The following FSIP1 variants were observed in gnomAD, a reference collection of about 807,000 sequenced individuals.
The protein encoded by FSIP1 is fibrous sheath-interacting protein 1.
In FSIP1, 65 loss-of-function variants were observed where a neutral mutation model predicts 60.9. The ratio of observed to expected loss-of-function variants is 1.07; its 90% confidence interval spans 0.87 to 1.31. FSIP1 has a LOEUF of 1.31. FSIP1 is among the 40% of genes most tolerant of loss of function. The pLI is 0.00. For missense variants in FSIP1, 675 were observed against 665.5 expected (o/e 1.01, Z -0.16); for synonymous variants, 209 against 221.2 (o/e 0.94, Z 0.49).
chr15:39,724,777 G>A (rs1317578524), intron 9 of FSIP1, among the ~76,000 whole-genome samples: 3 of 152,170 alleles, frequency 2.0e-5, no homozygotes, highest in African/African-American at 7.2e-5. Context: ...GTTCAGCTCT[G>A]AGATTTCAGC....
At chr15:39,774,860 G>C (rs557300111) in intron 2 of FSIP1, among the ~76,000 whole-genome samples, 3 of 152,312 alleles carry the variant, frequency 2.0e-5, no homozygotes, top group African/African-American at 7.2e-5. Context: ...GGCGGAAGCA[G>C]CAGCAGCAAC....
At chr15:39,767,991 C>T (rs1194879072) in intron 3 of FSIP1, among the ~76,000 whole-genome samples, 3 of 152,226 alleles carry the variant, frequency 2.0e-5, no homozygotes, top group Non-Finnish European at 4.4e-5. Flanking sequence ...AAGCCGCCAG[C>T]AGACGGCAAA....
chr15:39,673,138 A>G (rs979356550), intron 10 of FSIP1, among the ~76,000 whole-genome samples: 11 of 152,216 alleles, frequency 7.2e-5, no homozygotes. Flanking sequence ...AACTGCCCAA[A>G]AGGTTTCTGA....
intron 10 of FSIP1, among the ~76,000 whole-genome samples, chr15:39,682,344 T>C (rs549154595): frequency 6.6e-6 from 1 of 152,196 alleles, no homozygotes; most frequent in Admixed American, 6.5e-5. Flanking sequence ...AAAACCTACA[T>C]ATTTTACTTT....
At chr15:39,711,992 C>T (rs1895536141) in intron 10 of FSIP1, among the ~76,000 whole-genome samples, 1 of 152,036 alleles carries the variant, frequency 6.6e-6, no homozygotes. Flanking sequence ...CAGCCCATTC[C>T]TACTTCTTCT....
chr15:39,713,565 C>T lies in FSIP1; in HGVS notation c.1067G>A (p.Gly356Asp), dbSNP rs563000755. 1 of 1,590,322 alleles carries T rather than the reference C, an allele frequency of 6.3e-7. No individual in the cohort carries two copies. Among genetic ancestry groups the T allele is most frequent in the South Asian group, 1.2e-5 (1 of 85,830 alleles). ...NRNNQKPDRDGERNMEVTPGE... is the reference protein window; with the variant it reads ...NRNNQKPDRDDERNMEVTPGE... ...TGGAGTTACTTCCATATTTCTTTCA[C>T]CATCACGGTCAGGTTTCTAATTTAA... The change falls in exon 10 of 12, where the codon GGT (glycine) becomes GAT (aspartate). Residue 356 changes from glycine (G) to aspartate (D), a missense_variant. By Grantham distance (94) the Gly-to-Asp change is moderately conservative. Coordinates refer to ENST00000350221, the MANE Select transcript of FSIP1 (RefSeq NM_152597.5).
intron 10 of FSIP1, among the ~76,000 whole-genome samples, chr15:39,631,300 C>A (rs767575156): frequency 6.6e-6 from 1 of 152,166 alleles, no homozygotes; most frequent in Non-Finnish European, 1.5e-5. Context: ...TGTCTTGTTC[C>A]TTCCAGAGCG....
intron 11 of FSIP1, among the ~76,000 whole-genome samples, chr15:39,606,561 C>T (rs1050860816): frequency 3.9e-5 from 6 of 152,156 alleles, no homozygotes; most frequent in Non-Finnish European, 8.8e-5. Flanking sequence ...CTTATTCCTC[C>T]TATAAAGCTA....
At position 39,600,697 on chromosome 15, in the gene FSIP1, G is replaced by C; in HGVS notation, c.*183C>G. Reference sequence around the variant, plus strand: ...GAAATTTTAATGAGCAAAAACCACTGAACAATTACACCCCAAGTCTCAAAA... The same window carrying C: ...GAAATTTTAATGAGCAAAAACCACTCAACAATTACACCCCAAGTCTCAAAA... On this transcript the variant is annotated 3_prime_UTR_variant, in exon 12 of 12. Coordinates refer to ENST00000350221, the MANE Select transcript of FSIP1 (RefSeq NM_152597.5). 1 of 511,354 alleles carries C rather than the reference G, an allele frequency of 2.0e-6. No homozygotes were observed. The highest frequency in any genetic ancestry group is 2.0e-5 in the African/African-American group (1 of 49,914). 31.7% of individuals were successfully genotyped at this position (511,354 alleles called of 1,614,324 possible). A position where few individuals can be genotyped will look rare whatever the true frequency, so the allele number is the denominator to read the frequency against.
chr15:39,615,566 A>C (rs7177324), intron 11 of FSIP1, among the ~76,000 whole-genome samples: 1 of 151,750 alleles, frequency 6.6e-6, no homozygotes, highest in South Asian at 2.1e-4. Flanking sequence ...GAGATGCTAC[A>C]TCACACCTGT....
chr15:39,719,561 G>A (rs1193237231), intron 9 of FSIP1, among the ~76,000 whole-genome samples: 2 of 152,192 alleles, frequency 1.3e-5, no homozygotes, highest in Non-Finnish European at 2.9e-5. Flanking sequence ...CCGCAGCTTC[G>A]TAAGTTATCT....
intron 8 of FSIP1, 152 bp from the exon 9 acceptor site, chr15:39,726,899 G>T: frequency 5.0e-6 from 3 of 595,512 alleles, no homozygotes; most frequent in East Asian, 2.9e-5. Context: ...ATTAACATTG[G>T]GTTAGTAAAA....
At position 39,778,201 on chromosome 15, in the gene FSIP1, G is replaced by A. The variant is rs531622395; in HGVS notation, c.-7-1670C>T. ...ACCAAAAAGCATAAGTCACCAAAAG[G>A]CCAAATGTCTTGTAAACGCCCTAAG... is the stretch of plus-strand genomic sequence containing the variant. On this transcript the variant is annotated intron_variant, in intron 1 of 11. Coordinates refer to ENST00000350221, the MANE Select transcript of FSIP1 (RefSeq NM_152597.5). Among the ~76,000 whole-genome samples, 11 of 152,272 alleles carry A rather than the reference G, an allele frequency of 7.2e-5. No individual in the cohort carries two copies. In the South Asian group the frequency reaches 1.2e-3, roughly 17 times the overall value.
chr15:39,770,498 A>G lies in FSIP1; in HGVS notation c.239T>C (p.Ile80Thr). Residue 80 changes from isoleucine (I) to threonine (T), a missense_variant, in exon 3 of 12, where the codon ATA becomes ACA. By Grantham distance (89) the Ile-to-Thr change is moderately conservative. Transcript: ENST00000350221. ...ATCTGATCCCTCTTCAGCCAATTTT[A>G]TTTTCTCAGAGCAGCTTTCCTGCTT... ...DDKQESCSEK[I>T]KLAEEGSDED... 6.2e-7 allele frequency: 1 copy of G among 1,611,324 alleles called. No homozygotes were observed. Among genetic ancestry groups the G allele is most frequent in the Non-Finnish European group, 8.5e-7 (1 of 1,179,518 alleles).
At chr15:39,674,755 A>T (rs1266250777) in intron 10 of FSIP1, among the ~76,000 whole-genome samples, 1 of 151,170 alleles carries the variant, frequency 6.6e-6, no homozygotes, top group Admixed American at 6.6e-5. Context: ...AATATGTTTT[A>T]AGGACTTCTT....
intron 3 of FSIP1, among the ~76,000 whole-genome samples, chr15:39,767,879 C>T (rs1897746999): frequency 6.6e-6 from 1 of 152,232 alleles, no homozygotes; most frequent in African/African-American, 2.4e-5. Context: ...TCCAAGCCAA[C>T]ATGTGATTCG....
At chr15:39,679,764 A>AG (rs1272679753) in intron 10 of FSIP1, among the ~76,000 whole-genome samples, 3 of 152,220 alleles carry the variant, frequency 2.0e-5, no homozygotes, top group Non-Finnish European at 4.4e-5. Context: ...TAATTGATTA[A>AG]GGGGGGAAAA....
intron 10 of FSIP1, among the ~76,000 whole-genome samples, chr15:39,646,869 A>T (rs955971097): frequency 4.6e-5 from 7 of 152,230 alleles, no homozygotes; most frequent in Admixed American, 1.3e-4. Context: ...ATATACACAC[A>T]TACAGAGAAA....
intron 10 of FSIP1, among the ~76,000 whole-genome samples, chr15:39,625,925 A>G (rs1305451742): frequency 6.6e-6 from 1 of 152,164 alleles, no homozygotes; most frequent in African/African-American, 2.4e-5. Context: ...TTTATTGGCT[A>G]TTATTAGTTA....
Sources: allele counts gnomAD v4.1 joint callset (sites outside exome capture counted in the v4.1 genomes callset), GRCh38; gene constraint gnomAD v4.1.1; transcripts MANE v1.5; gene names NCBI Gene and HGNC (gene_info 2026-07-23, HGNC 2026-07-21).